The following TRMT1L variants were observed in gnomAD, a reference collection of about 807,000 sequenced individuals.
TRMT1L encodes the protein tRNA methyltransferase 1L.
Under a neutral mutation model 81.6 loss-of-function variants are expected in TRMT1L, and 28 were observed. That is an observed-to-expected ratio of 0.34 (90% confidence interval 0.25 to 0.47). The LOEUF is 0.47. Ranked by LOEUF, TRMT1L falls within the 20% of genes least tolerant of loss-of-function variation. The pLI is 1.00. For synonymous variants in TRMT1L, 301 were observed against 303.2 expected, an observed-to-expected ratio of 0.99 and a Z score of 0.07; for missense variants, 739 against 877.1, an observed-to-expected ratio of 0.84 and a Z score of 1.99.
intron 7 of TRMT1L, 74 bp from the exon 8 acceptor site, chr1:185,140,296 T>C: frequency 8.4e-7 from 1 of 1,186,008 alleles, no homozygotes; most frequent in South Asian, 1.6e-5. Context: ...ATAACAACAT[T>C]CAGTTTTATA....
chr1:185,148,887 C>T (rs1365675030), intron 3 of TRMT1L, among the ~76,000 whole-genome samples: 3 of 152,086 alleles, frequency 2.0e-5, no homozygotes, highest in East Asian at 1.9e-4. Context: ...AGCATAGTTC[C>T]GACTTCTTTT....
Position 185,156,499 on chromosome 1 carries a change from C to G in TRMT1L, c.214G>C (p.Ala72Pro), listed in dbSNP as rs773605511. ...TTACTGCTTTTAGCCTCCTCAGGGG[C>G]AGAGGCTAGGGACGGGGACAGGGCC... ...APALSPSLASAPEEAKSKRHI... is the reference protein window; with the variant it reads ...APALSPSLASPPEEAKSKRHI... The change falls in exon 1 of 15, where the codon GCC becomes CCC. Residue 72 changes from alanine to proline, a missense_variant. Physicochemically the swap from Ala to Pro is conservative, Grantham distance 27 (BLOSUM62 -1). Around this residue, in one of 4 missense-constraint regions of TRMT1L, gnomAD observed 209 missense variants for 165.4 expected, o/e 1.26. Transcript: ENST00000367506. 2 of 1,613,790 alleles carry G rather than the reference C, an allele frequency of 1.2e-6. No individual in the cohort carries two copies. Among genetic ancestry groups the G allele is most frequent in the Non-Finnish European group, 1.7e-6 (2 of 1,179,888 alleles).
At chr1:185,131,101 G>A (rs1356503165) in intron 10 of TRMT1L, among the ~76,000 whole-genome samples, 1 of 151,948 alleles carries the variant, frequency 6.6e-6, no homozygotes, top group Non-Finnish European at 1.5e-5. Flanking sequence ...CCAGGTTCAC[G>A]CCATTCTCCT....
rs199956086 is a variant in TRMT1L at position 185,156,546 on chromosome 1, G to A, written c.167C>T (p.Ala56Val). ...APTPASAPAPAPALAQAPALS... is the reference protein window; with the variant it reads ...APTPASAPAPVPALAQAPALS... ...GGCCGGAGCCTGGGCCAGGGCAGGG[G>A]CTGGGGCTGGAGCCGAGGCCGGAGT... Residue 56 changes from alanine (A) to valine (V), a missense_variant, in exon 1 of 15, where the codon GCC (alanine) becomes GTC (valine). Ala to Val is a moderately conservative substitution (Grantham distance 64, BLOSUM62 0). Transcript: ENST00000367506. 2 of 1,609,560 alleles carry A rather than the reference G, an allele frequency of 1.2e-6. No individual in the cohort carries two copies. The highest frequency in any genetic ancestry group is 2.2e-5 in the South Asian group (2 of 90,762).
chr1:185,138,825 T>C (rs148367274), intron 9 of TRMT1L, among the ~76,000 whole-genome samples: 1 of 152,342 alleles, frequency 6.6e-6, no homozygotes, highest in Non-Finnish European at 1.5e-5. Flanking sequence ...CTCACTATGT[T>C]GCCCAGGCTG....
At chr1:185,134,171 A>T (rs1465038169) in intron 10 of TRMT1L, among the ~76,000 whole-genome samples, 1 of 151,962 alleles carries the variant, frequency 6.6e-6, no homozygotes, top group Non-Finnish European at 1.5e-5. Flanking sequence ...GACTTACGGA[A>T]CTATTTGACT....
At chr1:185,150,202 T>A (rs956542677) in intron 3 of TRMT1L, among the ~76,000 whole-genome samples, 177 bp downstream of exon 3, 1 of 152,152 alleles carries the variant, frequency 6.6e-6, no homozygotes, top group Non-Finnish European at 1.5e-5. Flanking sequence ...GTCATATAGA[T>A]CTCTACTGCC....
chr1:185,150,509 A>C lies in TRMT1L; in HGVS notation c.347-17T>G. 6.4e-7 allele frequency: 1 copy of C among 1,559,926 alleles called. No individual in the cohort carries two copies. The highest frequency in any genetic ancestry group is 1.1e-5 in the South Asian group (1 of 89,218). The stretch of plus-strand genomic sequence containing the variant: ...GTCTGTTGCCTTAAAAAGAAAAAAG[A>C]ATCAATAAACAACAGAATATTCTAG... On this transcript the variant is annotated splice_polypyrimidine_tract_variant and intron_variant, in intron 2 of 14. Transcript: ENST00000367506.
intron 9 of TRMT1L, among the ~76,000 whole-genome samples, chr1:185,138,443 G>A (rs1459519430): frequency 3.3e-5 from 5 of 152,006 alleles, no homozygotes; most frequent in African/African-American, 1.2e-4. Context: ...CAACCCTGAA[G>A]GTCTATGAAG....
intron 13 of TRMT1L, 119 bp downstream of exon 13, chr1:185,123,738 T>C (rs1652552857): frequency 6.3e-6 from 4 of 635,008 alleles, no homozygotes; most frequent in South Asian, 2.1e-5. Context: ...TTTGTTGTCA[T>C]ATAATATGAA....
intron 9 of TRMT1L, among the ~76,000 whole-genome samples, chr1:185,138,682 G>A (rs1652960468): frequency 6.6e-6 from 1 of 152,106 alleles, no homozygotes; most frequent in Admixed American, 6.5e-5. Context: ...GAGAAATGGA[G>A]AGAACTTCCC....
chr1:185,148,520 T>C (rs1653248004), intron 3 of TRMT1L, among the ~76,000 whole-genome samples: 1 of 152,300 alleles, frequency 6.6e-6, no homozygotes, highest in African/African-American at 2.4e-5. Flanking sequence ...AAAACTATCA[T>C]ATCTTCACCA....
rs1438312228 is a variant in TRMT1L, at chr1:185,139,107, A to G, written c.1322+260T>C. 2.0e-5 allele frequency among the ~76,000 whole-genome samples: 3 copies of G among 152,232 alleles called. 1 individual carries two copies. Among genetic ancestry groups the G allele is most frequent in the Non-Finnish European group, 4.4e-5 (3 of 68,032 alleles). ...CCTACATTGTTGAAATAAACTGGAAATTAACTTTCACTTTTACCTTTTCTT... is the reference window on the plus strand; with the variant it reads ...CCTACATTGTTGAAATAAACTGGAAGTTAACTTTCACTTTTACCTTTTCTT... On this transcript the variant is annotated intron_variant, in intron 9 of 14. Transcript: ENST00000367506.
rs1479702974 is a variant in TRMT1L at position 185,139,879 on chromosome 1, AAAC to A, written c.1109+91_1109+93del. On this transcript the variant is annotated intron_variant, in intron 8 of 14. Transcript: ENST00000367506. Reference sequence around the variant, plus strand: ...AAAAATGGCATTAATTTAAATAAATAAACAACAAAAAACTGTCTTAATTTTTAA... The same window carrying A: ...AAAAATGGCATTAATTTAAATAAATAAACAAAAAACTGTCTTAATTTTTAA... 9 of 1,390,854 alleles carry A rather than the reference AAAC, an allele frequency of 6.5e-6. No individual in the cohort carries two copies. In the African/African-American group the frequency reaches 7.3e-5, roughly 11 times the overall value. 86.2% of individuals were successfully genotyped at this position (1,390,854 alleles called of 1,614,324 possible).
At chr1:185,142,248 A>C (rs1653070125) in intron 7 of TRMT1L, among the ~76,000 whole-genome samples, 1 of 152,150 alleles carries the variant, frequency 6.6e-6, no homozygotes, top group South Asian at 2.1e-4. Context: ...TTGAGGCACA[A>C]TTTCCTGTGG....
chr1:185,128,855 T>A, intron 10 of TRMT1L, 108 bp from the exon 11 acceptor site: 2 of 941,572 alleles, frequency 2.1e-6, no homozygotes, highest in Non-Finnish European at 1.6e-6. Context: ...GAGGATCTAC[T>A]ATGTGCCAGG....
Position 185,156,925 on chromosome 1 carries a change from C to T in TRMT1L, c.-213G>A, listed in dbSNP as rs148349619. On this transcript the variant is annotated 5_prime_UTR_variant, in exon 1 of 15. Transcript: ENST00000367506. ...GCCAGAGGCAGCGATTCCAGATGCC[C>T]GTCCGCTTCCCTTTCCCCGAGGCGT... 889 of 633,996 alleles carry T rather than the reference C, an allele frequency of 1.4e-3. 3 individuals carry two copies. The highest frequency in any genetic ancestry group is 1.7e-4 in the Non-Finnish European group (66 of 391,804). 39.3% of individuals were successfully genotyped at this position (633,996 alleles called of 1,614,324 possible).
intron 10 of TRMT1L, among the ~76,000 whole-genome samples, chr1:185,132,897 C>T (rs1473474699): frequency 6.6e-6 from 1 of 152,092 alleles, no homozygotes; most frequent in African/African-American, 2.4e-5. Flanking sequence ...ACAGGATCTG[C>T]GATAGGAGAT....
intron 10 of TRMT1L, among the ~76,000 whole-genome samples, chr1:185,134,476 C>T (rs771092119): frequency 2.0e-5 from 3 of 152,194 alleles, no homozygotes; most frequent in Admixed American, 6.5e-5. Flanking sequence ...CGTGAGCCAC[C>T]GTGCCCAGCT....
Sources: gnomAD v4.1 joint callset for allele counts (sites outside exome capture counted in the v4.1 genomes callset) on GRCh38, gnomAD v4.1.1 for gene constraint, gnomAD v4.1.1 regional missense constraint, MANE v1.5 for transcripts, NCBI Gene and HGNC (gene_info 2026-07-23, HGNC 2026-07-21) for gene names.